CMTM5: variants seen among roughly 807,000 people sequenced by gnomAD.
CMTM5 encodes CKLF like MARVEL transmembrane domain containing 5.
CMTM5 carries 25 observed loss-of-function variants against 26.9 expected under a neutral mutation model. The ratio of observed to expected loss-of-function variants is 0.93; its 90% CI spans 0.68 to 1.30. CMTM5 has a LOEUF of 1.30. Among genes scored for constraint, CMTM5 ranks in the 50% most tolerant of loss-of-function variants. CMTM5 has a pLI of 0.00. For synonymous variants in CMTM5, 98 were observed against 115.5 expected (o/e 0.85, Z 0.97); for missense variants, 292 against 289.6 (o/e 1.01, Z -0.06).
Position 23,377,295 on chromosome 14 carries a change from G to C in CMTM5, c.44G>C (p.Gly15Ala), listed in dbSNP as rs1276642325. ...RDRRDRHPEE[G>A]VVAELQGFAV... ...CGCCGGGACCGGCACCCTGAGGAGGGGGTAGTTGCAGAGCTCCAGGGCTTC... is the reference window on the plus strand; with the variant it reads ...CGCCGGGACCGGCACCCTGAGGAGGCGGTAGTTGCAGAGCTCCAGGGCTTC... The change falls in exon 1 of 6, where the codon GGG becomes GCG. Residue 15 changes from glycine (G) to alanine (A), a missense_variant. Coordinates refer to ENST00000339180, the MANE Select transcript of CMTM5 (RefSeq NM_001288746.2). The surrounding 1 kb of genome is among the most constrained non-coding windows in gnomAD (Gnocchi z 4.6). The C allele has an allele frequency of 6.2e-7, 1 of 1,612,550 alleles. No homozygotes were observed. Among genetic ancestry groups the C allele is most frequent in the Non-Finnish European group, 8.5e-7 (1 of 1,179,322 alleles).
Position 23,379,553 on chromosome 14 carries a change from C to G in CMTM5, c.*66C>G. 6.2e-7 allele frequency: 1 copy of G among 1,607,716 alleles called. No homozygotes were observed. The highest frequency in any genetic ancestry group is 8.5e-7 in the Non-Finnish European group (1 of 1,179,614). On this transcript the variant is annotated 3_prime_UTR_variant, in exon 6 of 6. Transcript: ENST00000339180. Reference sequence around the variant, plus strand: ...GGACAGTGGAGCCCAGACACGTCTCCTTGGGATTCACTAGCCCCCAGCCCG... The same window carrying G: ...GGACAGTGGAGCCCAGACACGTCTCGTTGGGATTCACTAGCCCCCAGCCCG...
Position 23,377,102 on chromosome 14 carries a change from C to T in CMTM5, c.-150C>T, listed in dbSNP as rs546977057. Reference sequence around the variant, plus strand: ...GCAAGGCCCCCAGCGCCTGCCTTCTCTCCCGGGGCCCTGTGGGCAAGCCTC... The same window carrying T: ...GCAAGGCCCCCAGCGCCTGCCTTCTTTCCCGGGGCCCTGTGGGCAAGCCTC... On this transcript the variant is annotated 5_prime_UTR_variant, in exon 1 of 6. Transcript: ENST00000339180. This position sits in a 1 kb window ranked among gnomAD's most constrained non-coding sequence, Gnocchi z 4.6. The T allele has an allele frequency of 1.6e-5, 18 of 1,105,644 alleles. No homozygotes were observed. The highest frequency in any genetic ancestry group is 2.2e-5 in the Non-Finnish European group (17 of 777,656). 68.5% of individuals were successfully genotyped at this position (1,105,644 alleles called of 1,614,324 possible). A position where few individuals can be genotyped will look rare whatever the true frequency, so the allele number is the denominator to read the frequency against.
Position 23,378,872 on chromosome 14 carries a change from G to A in CMTM5, c.480+3G>A, listed in dbSNP as rs1434481968. On this transcript the variant is annotated splice_donor_region_variant and intron_variant, in intron 3 of 5. Coordinates refer to ENST00000339180, the MANE Select transcript of CMTM5 (RefSeq NM_001288746.2). The surrounding 1 kb of genome is among the most constrained non-coding windows in gnomAD (Gnocchi z 4.2). ...GCTTCCACTCCCTGGGTAGCAGTGTGAGCGCTCTGTCTCTTGAATGTGCTT... is the reference window on the plus strand; with the variant it reads ...GCTTCCACTCCCTGGGTAGCAGTGTAAGCGCTCTGTCTCTTGAATGTGCTT... The A allele has an allele frequency of 6.2e-7, 1 of 1,613,106 alleles. No homozygotes were observed. The highest frequency in any genetic ancestry group is 2.2e-5 in the East Asian group (1 of 44,872).
At position 23,378,270 on chromosome 14, in the gene CMTM5, C is replaced by T; in HGVS notation, c.127-79C>T. The stretch of plus-strand genomic sequence containing the variant: ...GGTAGTAGGTGCCAGCCTAGGGGAG[C>T]TTCCAAGGAGGGGAAGGCAAAGCCC... On this transcript the variant is annotated intron_variant, in intron 1 of 5. Transcript: ENST00000339180. The surrounding 1 kb of genome is among the most constrained non-coding windows in gnomAD (Gnocchi z 4.2). 6.6e-7 allele frequency: 1 copy of T among 1,523,046 alleles called. No homozygotes were observed. Among genetic ancestry groups the T allele is most frequent in the South Asian group, 1.2e-5 (1 of 82,184 alleles). The allele number at this position is 1,523,046 out of a possible 1,614,324, so 94.3% of individuals were successfully genotyped here.
chr14:23,377,505 C>T lies in CMTM5; in HGVS notation c.126+128C>T, dbSNP rs1001043779. Reference sequence around the variant, plus strand: ...AAGCCCTCTGGACACCTCTCCTGCCCGCAGCTGCCCCTTCTTCGTCTCCTA... The same window carrying T: ...AAGCCCTCTGGACACCTCTCCTGCCTGCAGCTGCCCCTTCTTCGTCTCCTA... On this transcript the variant is annotated intron_variant, in intron 1 of 5. Coordinates refer to ENST00000339180, the MANE Select transcript of CMTM5 (RefSeq NM_001288746.2). The surrounding 1 kb of genome is among the most constrained non-coding windows in gnomAD (Gnocchi z 4.6). 1.1e-4 allele frequency: 113 copies of T among 1,035,294 alleles called. 1 individual carries two copies. Among genetic ancestry groups the T allele is most frequent in the Middle Eastern group, 6.6e-4 (2 of 3,032 alleles). 64.1% of individuals were successfully genotyped at this position (1,035,294 alleles called of 1,614,324 possible). A position where few individuals can be genotyped will look rare whatever the true frequency, so the allele number is the denominator to read the frequency against.
In CMTM5 at chr14:23,378,336, C is replaced by T. The variant is rs758667430; in HGVS notation, c.127-13C>T. 6.2e-7 allele frequency: 1 copy of T among 1,613,570 alleles called. No homozygotes were observed. ...TCCCCTTCTTGGCATGTTCCACATG[C>T]TCGGTCCTGCAGGCCCTGACCCTCA... On this transcript the variant is annotated splice_polypyrimidine_tract_variant and intron_variant, in intron 1 of 5. Coordinates refer to ENST00000339180, the MANE Select transcript of CMTM5 (RefSeq NM_001288746.2). This position sits in a 1 kb window ranked among gnomAD's most constrained non-coding sequence, Gnocchi z 4.2.
In CMTM5 at chr14:23,378,762, C is replaced by T. The variant is rs752421541; in HGVS notation, c.373C>T (p.Pro125Ser). Residue 125 changes from proline (P) to serine (S), a missense_variant, in exon 3 of 6, where the codon CCC becomes TCC. Coordinates refer to ENST00000339180, the MANE Select transcript of CMTM5 (RefSeq NM_001288746.2). The surrounding 1 kb of genome is among the most constrained non-coding windows in gnomAD (Gnocchi z 4.2). ...GCCCCAGCCCTGGCCTGGCTTGACC[C>T]CCCCGGGCTGGCATACTCCAGCCGC... ...VQPQPWPGLT[P>S]PGWHTPAAVP... The T allele has an allele frequency of 1.4e-5, 23 of 1,612,182 alleles. No individual in the cohort carries two copies. Among genetic ancestry groups the T allele is most frequent in the Non-Finnish European group, 1.8e-5 (21 of 1,179,812 alleles).
At chr14:23,379,190 T>A in intron 4 of CMTM5, 67 bp downstream of exon 4, 1 of 1,599,798 alleles carries the variant, frequency 6.3e-7, no homozygotes, top group Non-Finnish European at 8.5e-7. Context: ...ACACTTTCTG[T>A]ATCAGAAGCC....
rs748371282 is a variant in CMTM5, at chr14:23,379,018, C to T, written c.481-13C>T. On this transcript the variant is annotated splice_polypyrimidine_tract_variant and intron_variant, in intron 3 of 5. Transcript: ENST00000339180. ...TTCTGAGGTCCTGTTAACCCTGCAC[C>T]CCTGGCCCCCAGGACTTCCTGCGCT... is the stretch of plus-strand genomic sequence containing the variant. 1.2e-6 allele frequency: 2 copies of T among 1,613,930 alleles called. No homozygotes were observed. The highest frequency in any genetic ancestry group is 3.3e-5 in the Admixed American group (2 of 60,024).
In CMTM5 at chr14:23,379,697, C is replaced by T; in HGVS notation, c.*210C>T. 2.7e-5 allele frequency: 18 copies of T among 655,634 alleles called. No individual in the cohort carries two copies. Among genetic ancestry groups the T allele is most frequent in the East Asian group, 5.0e-5 (1 of 19,996 alleles). The allele number at this position is 655,634 out of a possible 1,614,324, so 40.6% of individuals were successfully genotyped here. On this transcript the variant is annotated 3_prime_UTR_variant, in exon 6 of 6. Coordinates refer to ENST00000339180, the MANE Select transcript of CMTM5 (RefSeq NM_001288746.2). ...TGAAGCTCTGGCCAGAGGAGGGGAA[C>T]TTATTGGGGGAGGGGGGGTGGAGGG...
In CMTM5 at chr14:23,378,397, T is replaced by C. The variant is rs1207652467; in HGVS notation, c.175T>C (p.Tyr59His). ...FICFTASISA[Y>H]MAAALLEFFI... ...CTGCTTCACGGCCTCCATCTCTGCC[T>C]ACATGGCCGCGGCGCTACTGGAGTT... The change falls in exon 2 of 6, where the codon TAC (tyrosine) becomes CAC (histidine). Residue 59 changes from tyrosine to histidine, a missense_variant. Coordinates refer to ENST00000339180, the MANE Select transcript of CMTM5 (RefSeq NM_001288746.2). The surrounding 1 kb of genome is among the most constrained non-coding windows in gnomAD (Gnocchi z 4.2). The C allele has an allele frequency of 1.2e-6, 2 of 1,613,980 alleles. No individual in the cohort carries two copies. The highest frequency in any genetic ancestry group is 3.3e-5 in the Admixed American group (2 of 59,998).
chr14:23,377,197 G>C lies in CMTM5; in HGVS notation c.-55G>C. 6.3e-7 allele frequency: 1 copy of C among 1,595,396 alleles called. No individual in the cohort carries two copies. Among genetic ancestry groups the C allele is most frequent in the Non-Finnish European group, 8.5e-7 (1 of 1,172,950 alleles). ...TGTTTCCCCATCCTGCCAGATTTCT[G>C]TTTCTCTTGCTGGGCTTTTGGCAGT... On this transcript the variant is annotated 5_prime_UTR_variant, in exon 1 of 6. Coordinates refer to ENST00000339180, the MANE Select transcript of CMTM5 (RefSeq NM_001288746.2). The surrounding 1 kb of genome is among the most constrained non-coding windows in gnomAD (Gnocchi z 4.6).
chr14:23,378,716 C>G lies in CMTM5; in HGVS notation c.327C>G (p.Leu109=). Residue 109 remains leucine, a synonymous_variant, in exon 3 of 6, where the codon CTC becomes CTG. Coordinates refer to ENST00000339180, the MANE Select transcript of CMTM5 (RefSeq NM_001288746.2). This position sits in a 1 kb window ranked among gnomAD's most constrained non-coding sequence, Gnocchi z 4.2. ...GAGGACCACATCCGCTAGATCTACT[C>G]TCCCACTCAGCAAAGGTCCAGCCCC... ...QSGGPHPLDL[L]SHSAKVQPQP... is the part of the protein sequence containing the mutation. The G allele has an allele frequency of 6.2e-7, 1 of 1,612,700 alleles. No individual in the cohort carries two copies. Among genetic ancestry groups the G allele is most frequent in the Non-Finnish European group, 8.5e-7 (1 of 1,179,848 alleles).
At position 23,378,576 on chromosome 14, in the gene CMTM5, C is replaced by G. The variant is rs1014585370; in HGVS notation, c.279+75C>G. Reference sequence around the variant, plus strand: ...AAATGATGCATTTTCCTTTCCTCCCCGAGCTTCTTTCCATTTCCACACCAC... The same window carrying G: ...AAATGATGCATTTTCCTTTCCTCCCGGAGCTTCTTTCCATTTCCACACCAC... On this transcript the variant is annotated intron_variant, in intron 2 of 5. Transcript: ENST00000339180. The surrounding 1 kb of genome is among the most constrained non-coding windows in gnomAD (Gnocchi z 4.2). The G allele has an allele frequency of 3.1e-6, 5 of 1,607,874 alleles. No homozygotes were observed. The African/African-American group carries it at 5.4e-5, about 17-fold the overall frequency.
Position 23,378,137 on chromosome 14 carries a change from G to C in CMTM5, c.127-212G>C, listed in dbSNP as rs1212667129. ...GACTGCTGGGGTTGCTGGGTGAGCAGAGTGGGAGGCCGGAGACTGCCCTTG... is the reference window on the plus strand; with the variant it reads ...GACTGCTGGGGTTGCTGGGTGAGCACAGTGGGAGGCCGGAGACTGCCCTTG... On this transcript the variant is annotated intron_variant, in intron 1 of 5. Transcript: ENST00000339180. This position sits in a 1 kb window ranked among gnomAD's most constrained non-coding sequence, Gnocchi z 4.2. The C allele has an allele frequency of 9.9e-6, 6 of 603,842 alleles. No homozygotes were observed. Among genetic ancestry groups the C allele is most frequent in the Non-Finnish European group, 1.2e-5 (4 of 343,982 alleles). 37.4% of individuals were successfully genotyped at this position (603,842 alleles called of 1,614,324 possible). A position where few individuals can be genotyped will look rare whatever the true frequency, so the allele number is the denominator to read the frequency against.
rs956821117 is a variant in CMTM5, at chr14:23,379,107, C to T, written c.557C>T (p.Ala186Val). The T allele has an allele frequency of 3.1e-6, 5 of 1,613,766 alleles. No homozygotes were observed. The African/African-American group carries it at 6.7e-5, about 22-fold the overall frequency. ...SFAAVTSRDG[A>V]AIAAFVFGII... ...GCAGCTGTGACCTCCCGGGACGGAG[C>T]TGCCATTGCTGCTTTTGTGAGTTCA... The change falls in exon 4 of 6, where the codon GCT becomes GTT. Residue 186 changes from alanine to valine, a missense_variant. Physicochemically the swap from Ala to Val is moderately conservative, Grantham distance 64 (BLOSUM62 0). Coordinates refer to ENST00000339180, the MANE Select transcript of CMTM5 (RefSeq NM_001288746.2).
In CMTM5 at chr14:23,377,305, A is replaced by C. The variant is rs1480745906; in HGVS notation, c.54A>C (p.Ala18=). ...GGCACCCTGAGGAGGGGGTAGTTGC[A>C]GAGCTCCAGGGCTTCGCGGTGGACA... ...RDRHPEEGVV[A]ELQGFAVDKA... is the part of the protein sequence containing the mutation. Residue 18 remains alanine (A), a synonymous_variant, in exon 1 of 6, where the codon GCA becomes GCC. Coordinates refer to ENST00000339180, the MANE Select transcript of CMTM5 (RefSeq NM_001288746.2). This position sits in a 1 kb window ranked among gnomAD's most constrained non-coding sequence, Gnocchi z 4.6. The C allele has an allele frequency of 2.5e-6, 4 of 1,612,210 alleles. No homozygotes were observed. The highest frequency in any genetic ancestry group is 1.3e-5 in the African/African-American group (1 of 74,996).
chr14:23,377,033 C>T (rs1346550107), upstream of CMTM5: 3 of 579,842 alleles, frequency 5.2e-6, no homozygotes, highest in African/African-American at 3.8e-5. This position sits in a 1 kb window ranked among gnomAD's most constrained non-coding sequence, Gnocchi z 4.6. Flanking sequence ...CTGGTGCAGG[C>T]AGCAGCAGAG....
Position 23,378,856 on chromosome 14 carries a change from C to T in CMTM5, c.467C>T (p.Ser156Phe), listed in dbSNP as rs1179364675. Residue 156 changes from serine to phenylalanine, a missense_variant, in exon 3 of 6, where the codon TCC (serine) becomes TTC (phenylalanine). By Grantham distance (155) the Ser-to-Phe change is radical (BLOSUM62 -2). Coordinates refer to ENST00000339180, the MANE Select transcript of CMTM5 (RefSeq NM_001288746.2). This position sits in a 1 kb window ranked among gnomAD's most constrained non-coding sequence, Gnocchi z 4.2. Reference sequence around the variant, plus strand: ...TTGCTCTGGTTCATCTGCTTCCACTCCCTGGGTAGCAGTGTGAGCGCTCTG... The same window carrying T: ...TTGCTCTGGTTCATCTGCTTCCACTTCCTGGGTAGCAGTGTGAGCGCTCTG... ...SWLLWFICFH[S>F]LGSSDFLRCV... is the part of the protein sequence containing the mutation. The T allele has an allele frequency of 2.5e-6, 4 of 1,612,916 alleles. No homozygotes were observed. Among genetic ancestry groups the T allele is most frequent in the African/African-American group, 2.7e-5 (2 of 74,900 alleles).
Sources: allele counts gnomAD v4.1 joint callset, GRCh38; gene constraint gnomAD v4.1.1; non-coding constraint Gnocchi (gnomAD v3.1); transcripts MANE v1.5; gene names NCBI Gene and HGNC (gene_info 2026-07-23, HGNC 2026-07-21).